The following AHDC1 variants were observed in gnomAD, a reference collection of about 807,000 sequenced individuals.
The protein encoded by AHDC1 is AT-hook DNA binding motif containing 1.
Under a neutral mutation model 87.9 loss-of-function variants are expected in AHDC1, and 7 were observed. The observed-to-expected ratio is 0.08, with a 90% CI of 0.05 to 0.15. The LOEUF is 0.15. AHDC1 is among the 10% of genes least tolerant of loss of function. The probability of loss-of-function intolerance (pLI) is 1.00; values close to 1 mark genes in which losing one functional copy is unlikely to be tolerated. For missense variants in AHDC1, 1,841 were observed against 2,253.2 expected (o/e 0.82, Z 3.70); for synonymous variants, 1,051 against 1,006.8 (o/e 1.04, Z -0.83).
chr1:27,584,982 G>T (rs1031642309), intron 3 of AHDC1, among the ~76,000 whole-genome samples: 2 of 152,050 alleles, frequency 1.3e-5, no homozygotes, highest in African/African-American at 4.8e-5. Flanking sequence ...AGACCAGCCC[G>T]GCCAACATGG....
intron 3 of AHDC1, among the ~76,000 whole-genome samples, chr1:27,601,454 C>T (rs2089526257): frequency 6.6e-6 from 1 of 152,248 alleles, no homozygotes; most frequent in African/African-American, 2.4e-5. Context: ...GGCTGGTAGC[C>T]ACTGGTCCCC....
rs1404644104 is a variant in AHDC1, at chr1:27,551,209, G to A, written c.907C>T (p.Leu303Phe). ...EALELPPLQP[L>F]ADPLGLPGLA... Reference sequence around the variant, plus strand: ...CCCGGCAGCCCCAGAGGATCAGCAAGAGGTTGCAGGGGTGGCAGCTCCAGA... The same window carrying A: ...CCCGGCAGCCCCAGAGGATCAGCAAAAGGTTGCAGGGGTGGCAGCTCCAGA... The change falls in exon 8 of 9, where the codon CTT becomes TTT. Residue 303 changes from leucine to phenylalanine, a missense_variant. Leu to Phe is a conservative substitution (Grantham distance 22, BLOSUM62 0). Around this residue, in one of 13 missense-constraint regions of AHDC1, gnomAD observed 370 missense variants for 391.5 expected, o/e 0.95. Transcript: ENST00000673934. The A allele has an allele frequency of 1.9e-6, 3 of 1,610,114 alleles. No individual in the cohort carries two copies. Among genetic ancestry groups the A allele is most frequent in the South Asian group, 1.1e-5 (1 of 91,050 alleles).
intron 3 of AHDC1, among the ~76,000 whole-genome samples, chr1:27,577,407 A>G (rs74063748): frequency 0.04 from 6,108 of 152,266 alleles, 413 homozygotes; most frequent in African/African-American, 0.14. Context: ...CAGAGTCCTA[A>G]GGACCACTCT....
At chr1:27,592,965 C>A (rs1434009836) in intron 3 of AHDC1, among the ~76,000 whole-genome samples, 1 of 152,160 alleles carries the variant, frequency 6.6e-6, no homozygotes. Context: ...CAAAGGCCTG[C>A]CAGCTGGAGG....
At chr1:27,535,397 T>C (rs1444137209) in intron 8 of AHDC1, among the ~76,000 whole-genome samples, 1 of 152,178 alleles carries the variant, frequency 6.6e-6, no homozygotes, top group Non-Finnish European at 1.5e-5. Context: ...AAGTGCATAA[T>C]AAATTATACT....
At position 27,590,104 on chromosome 1, in the gene AHDC1, C is replaced by T. The variant is rs1054672786; in HGVS notation, c.-629+13293G>A. Among the ~76,000 whole-genome samples, 3 of 152,106 alleles carry T rather than the reference C, an allele frequency of 2.0e-5. No individual in the cohort carries two copies. On this transcript the variant is annotated intron_variant, in intron 3 of 8. Transcript: ENST00000673934. The surrounding 1 kb of genome is among the most constrained non-coding windows in gnomAD (Gnocchi z 5.4). Reference sequence around the variant, plus strand: ...AGCTGGGGGTACAGGAAGGACTCTTCGGGCCCCTCCTTCTCCTGGAGGGGA... The same window carrying T: ...AGCTGGGGGTACAGGAAGGACTCTTTGGGCCCCTCCTTCTCCTGGAGGGGA...
At chr1:27,589,007 C>G (rs1372051594) in intron 3 of AHDC1, among the ~76,000 whole-genome samples, 1 of 151,828 alleles carries the variant, frequency 6.6e-6, no homozygotes, top group Non-Finnish European at 1.5e-5. Context: ...AGATGGTGTC[C>G]CTGTGAGTGT....
intron 3 of AHDC1, among the ~76,000 whole-genome samples, chr1:27,588,139 C>T (rs1409896209): frequency 6.6e-6 from 1 of 152,234 alleles, no homozygotes; most frequent in South Asian, 2.1e-4. Context: ...GGTCTGTGAA[C>T]GTCCCTCCGT....
chr1:27,535,491 C>T (rs1274176705), intron 8 of AHDC1, among the ~76,000 whole-genome samples: 1 of 152,260 alleles, frequency 6.6e-6, no homozygotes, highest in East Asian at 1.9e-4. Flanking sequence ...AGTAATTCCT[C>T]CAACTTAGGC....
At chr1:27,559,739 T>C (rs1188749273) in intron 3 of AHDC1, among the ~76,000 whole-genome samples, 2 of 152,174 alleles carry the variant, frequency 1.3e-5, no homozygotes, top group African/African-American at 4.8e-5. Flanking sequence ...TTATGTCTCT[T>C]GTTTTCTTTA....
chr1:27,581,988 C>A (rs1322218325), intron 3 of AHDC1, among the ~76,000 whole-genome samples: 2 of 152,230 alleles, frequency 1.3e-5, no homozygotes, highest in African/African-American at 4.8e-5. Context: ...CAGGCCTCCC[C>A]TGCTATGCCC....
rs777772320 is a variant in AHDC1, at chr1:27,550,664, C to A, written c.1452G>T (p.Ser484=). 12 of 1,613,154 alleles carry A rather than the reference C, an allele frequency of 7.4e-6. No homozygotes were observed. Among genetic ancestry groups the A allele is most frequent in the Non-Finnish European group, 1.0e-5 (12 of 1,179,920 alleles). ...MVVKMAKIPV[S]LGRRNKTTYK... ...ATGTGGTCTTGTTCCGCCGCCCCAG[C>A]GATACGGGGATCTTGGCCATCTTCA... Residue 484 remains serine (S), a synonymous_variant, in exon 8 of 9, where the codon TCG becomes TCT. Transcript: ENST00000673934.
At chr1:27,546,127 G>A (rs1254664741) in intron 8 of AHDC1, among the ~76,000 whole-genome samples, 1 of 152,200 alleles carries the variant, frequency 6.6e-6, no homozygotes, top group Non-Finnish European at 1.5e-5. Flanking sequence ...AAGCTTCAGT[G>A]GCAGCAGAGG....
At chr1:27,601,312 G>C (rs1204790476) in intron 3 of AHDC1, among the ~76,000 whole-genome samples, 3 of 152,270 alleles carry the variant, frequency 2.0e-5, no homozygotes, top group African/African-American at 7.2e-5. Context: ...CTTGGGCACA[G>C]TTAGGCACTG....
Position 27,548,064 on chromosome 1 carries a change from G to T in AHDC1, c.4052C>A (p.Pro1351Gln). The T allele has an allele frequency of 6.2e-7, 1 of 1,613,928 alleles. No homozygotes were observed. Among genetic ancestry groups the T allele is most frequent in the Non-Finnish European group, 8.5e-7 (1 of 1,179,998 alleles). ...AAAGGTGCCATCGGAAGGCGTGGAC[G>T]GGTTCATGGAGTAGGGTCCTATGAA... The part of the protein sequence containing the change: ...CDFIGPYSMN[P>Q]STPSDGTFGQ... The change falls in exon 8 of 9, where the codon CCG becomes CAG. Residue 1351 changes from proline (P) to glutamine (Q), a missense_variant. By Grantham distance (76) the Pro-to-Gln change is moderately conservative. Transcript: ENST00000673934.
At chr1:27,535,753 G>C (rs1393544757) in intron 8 of AHDC1, among the ~76,000 whole-genome samples, 2 of 151,960 alleles carry the variant, frequency 1.3e-5, no homozygotes. Flanking sequence ...TCCTCCCATC[G>C]CCAGACACTC....
chr1:27,551,831 G>A lies in AHDC1; in HGVS notation c.285C>T (p.Ala95=), dbSNP rs1468049310. The A allele has an allele frequency of 1.2e-6, 2 of 1,611,942 alleles. No individual in the cohort carries two copies. Among genetic ancestry groups the A allele is most frequent in the Non-Finnish European group, 1.7e-6 (2 of 1,179,742 alleles). The change falls in exon 8 of 9, where the codon GCC becomes GCT. Residue 95 remains alanine, a synonymous_variant. Coordinates refer to ENST00000673934, the MANE Select transcript of AHDC1 (RefSeq NM_001371928.1). ...PPRAARPVSQ[A]RCPTPVGDGS... is the part of the protein sequence containing the mutation. ...CGTCTCCGACCGGTGTGGGGCAGCG[G>A]GCCTGTGAGACAGGACGGGCTGCCC...
intron 3 of AHDC1, among the ~76,000 whole-genome samples, chr1:27,585,384 T>C (rs1015142354): frequency 2.0e-5 from 3 of 152,174 alleles, no homozygotes; most frequent in Non-Finnish European, 4.4e-5. Flanking sequence ...TTTACCTTTT[T>C]ATGCCTCAGT....
intron 5 of AHDC1, among the ~76,000 whole-genome samples, chr1:27,557,748 C>T (rs72884700): frequency 0.031 from 4,735 of 152,260 alleles, 237 homozygotes; most frequent in African/African-American, 0.11. Flanking sequence ...TCCAGTGTGG[C>T]ACACACAGTA....
Sources: allele counts gnomAD v4.1 joint callset (sites outside exome capture counted in the v4.1 genomes callset), GRCh38; gene constraint gnomAD v4.1.1; regional missense constraint gnomAD v4.1.1; non-coding constraint Gnocchi (gnomAD v3.1); transcripts MANE v1.5; gene names NCBI Gene and HGNC (gene_info 2026-07-23, HGNC 2026-07-21).